CASZ1: variants seen among roughly 807,000 people sequenced by gnomAD.
CASZ1 encodes castor zinc finger 1.
Under a neutral mutation model 135.2 loss-of-function variants are expected in CASZ1, and 28 were observed. The ratio of observed to expected loss-of-function variants is 0.21; its 90% CI spans 0.15 to 0.28. The LOEUF (loss-of-function observed/expected upper bound fraction) is 0.28, where lower values mean the gene tolerates loss of function less well. Among genes scored for constraint, CASZ1 ranks in the 10% least tolerant of loss-of-function variants. The pLI, the probability that CASZ1 is intolerant of heterozygous loss-of-function variation, is 1.00. For missense variants in CASZ1, 2,161 were observed against 2,453.3 expected, an observed-to-expected ratio of 0.88 and a Z score of 2.52; for synonymous variants, 1,068 against 1,073.4, an observed-to-expected ratio of 0.99 and a Z score of 0.10.
rs141483987 is a variant in CASZ1, at chr1:10,758,009, C to T, written c.-77+2692G>A. Among the ~76,000 whole-genome samples, 1,110 of 152,236 alleles carry T rather than the reference C, an allele frequency of 7.3e-3. 15 individuals carry two copies. Among genetic ancestry groups the T allele is most frequent in the African/African-American group, 0.026 (1,064 of 41,538 alleles). On this transcript the variant is annotated intron_variant, in intron 2 of 20. Coordinates refer to ENST00000377022, the MANE Select transcript of CASZ1 (RefSeq NM_001079843.3). Reference sequence around the variant, plus strand: ...CACTGAGGGCATCCTACCTTAGGGCCATTAGGCTAGCTGTTCTTTCTTTCT... The same window carrying T: ...CACTGAGGGCATCCTACCTTAGGGCTATTAGGCTAGCTGTTCTTTCTTTCT...
intron 4 of CASZ1, among the ~76,000 whole-genome samples, chr1:10,675,332 T>A (rs1643533132): frequency 6.6e-6 from 1 of 151,836 alleles, no homozygotes. Flanking sequence ...GGGGCCAGGG[T>A]CGAGCCAGGG....
chr1:10,686,178 C>T lies in CASZ1; in HGVS notation c.16+7696G>A, dbSNP rs150015792. 2.2e-3 allele frequency among the ~76,000 whole-genome samples: 339 copies of T among 152,324 alleles called. 1 individual carries two copies. Among genetic ancestry groups the T allele is most frequent in the Non-Finnish European group, 2.2e-3 (149 of 68,030 alleles). ...TCTCCTCTCCTTACATGCCCTTGGC[C>T]GAACCACTGTACTCTTCCCTCTCAA... On this transcript the variant is annotated intron_variant, in intron 4 of 20. Coordinates refer to ENST00000377022, the MANE Select transcript of CASZ1 (RefSeq NM_001079843.3).
chr1:10,752,886 A>T (rs1640175263), intron 2 of CASZ1, among the ~76,000 whole-genome samples: 1 of 151,842 alleles, frequency 6.6e-6, no homozygotes, highest in African/African-American at 2.4e-5. Context: ...AAATACAAAA[A>T]ATTAGCTGGG....
intron 4 of CASZ1, among the ~76,000 whole-genome samples, chr1:10,688,161 G>A (rs1218711949): frequency 6.6e-6 from 1 of 152,148 alleles, no homozygotes; most frequent in Non-Finnish European, 1.5e-5. Context: ...GGAAAACAAG[G>A]GCCCTGGCCT....
chr1:10,665,488 T>G lies in CASZ1; in HGVS notation c.100A>C (p.Ile34Leu), dbSNP rs769752619. The change falls in exon 5 of 21, where the codon ATC (isoleucine) becomes CTC (leucine). Residue 34 changes from isoleucine (I) to leucine (L), a missense_variant. By Grantham distance (5) the Ile-to-Leu change is conservative. Around this residue, in one of 7 missense-constraint regions of CASZ1, gnomAD observed 590 missense variants for 609.8 expected, o/e 0.97. Coordinates refer to ENST00000377022, the MANE Select transcript of CASZ1 (RefSeq NM_001079843.3). Reference sequence around the variant, plus strand: ...ACCTGGCGGCTCAGCTTGGCGCAGATGGCGTTCAGCTTCAGGCCACCCTTG... The same window carrying G: ...ACCTGGCGGCTCAGCTTGGCGCAGAGGGCGTTCAGCTTCAGGCCACCCTTG... Reference protein sequence around the residue: ...KRKGGLKLNAICAKLSRQVVV... With the variant: ...KRKGGLKLNALCAKLSRQVVV... 6.2e-7 allele frequency: 1 copy of G among 1,607,200 alleles called. No individual in the cohort carries two copies. Among genetic ancestry groups the G allele is most frequent in the East Asian group, 2.2e-5 (1 of 44,866 alleles).
In CASZ1 at chr1:10,646,198, G is replaced by C. The variant is rs371495766; in HGVS notation, c.3626C>G (p.Pro1209Arg). ...TCGCACGTTCACCAGGTTGTTGTTGGGGTTGATGTGGTCCAGGCAGTGGGA... is the reference window on the plus strand; with the variant it reads ...TCGCACGTTCACCAGGTTGTTGTTGCGGTTGATGTGGTCCAGGCAGTGGGA... The part of the protein sequence containing the change: ...AESHCLDHIN[P>R]NNNLVNVRDQ... Residue 1209 changes from proline (P) to arginine (R), a missense_variant, in exon 17 of 21, where the codon CCC (proline) becomes CGC (arginine). This residue lies in a region of CASZ1 where 349 missense variants were observed against 460.8 expected (regional missense o/e 0.76). Transcript: ENST00000377022. This position sits in a 1 kb window ranked among gnomAD's most constrained non-coding sequence, Gnocchi z 6.4. The C allele has an allele frequency of 6.2e-7, 1 of 1,614,072 alleles. No individual in the cohort carries two copies. The highest frequency in any genetic ancestry group is 8.5e-7 in the Non-Finnish European group (1 of 1,180,042).
rs549728093 is a variant in CASZ1, at chr1:10,641,627, A to G, written c.4162+1232T>C. Among the ~76,000 whole-genome samples, 197 of 152,258 alleles carry G rather than the reference A, an allele frequency of 1.3e-3. 1 individual carries two copies. The highest frequency in any genetic ancestry group is 4.5e-3 in the African/African-American group (187 of 41,548). ...CTGGGCAGGTCCCAGACCCCAGCAG[A>G]CCTTCCCGAAAGCCTCCTCTATCTC... On this transcript the variant is annotated intron_variant, in intron 20 of 20. Coordinates refer to ENST00000377022, the MANE Select transcript of CASZ1 (RefSeq NM_001079843.3).
rs1214074994 is a variant in CASZ1 at position 10,707,265 on chromosome 1, T to C, written c.-76-1721A>G. On this transcript the variant is annotated intron_variant, in intron 2 of 20. Transcript: ENST00000377022. The surrounding 1 kb of genome is among the most constrained non-coding windows in gnomAD (Gnocchi z 5.0). ...ATCCTCCCTGGCAACTGTGCATTTA[T>C]TAATTCATGAGGCACTAATTAGTTC... 6.6e-6 allele frequency among the ~76,000 whole-genome samples: 1 copy of C among 152,230 alleles called. No individual in the cohort carries two copies. The highest frequency in any genetic ancestry group is 1.5e-5 in the Non-Finnish European group (1 of 68,036).
intron 1 of CASZ1, among the ~76,000 whole-genome samples, chr1:10,766,493 C>T (rs971144198): frequency 6.6e-6 from 1 of 152,210 alleles, no homozygotes; most frequent in African/African-American, 2.4e-5. Flanking sequence ...AGTAGGTCCC[C>T]TAGAGCCACC....
intron 2 of CASZ1, among the ~76,000 whole-genome samples, chr1:10,758,558 C>T (rs1288308632): frequency 6.6e-6 from 1 of 152,154 alleles, no homozygotes; most frequent in Non-Finnish European, 1.5e-5. Context: ...TCTTAAACTC[C>T]TGACCTCAAG....
chr1:10,722,442 A>G (rs1482226716), intron 2 of CASZ1, among the ~76,000 whole-genome samples: 2 of 151,930 alleles, frequency 1.3e-5, no homozygotes, highest in African/African-American at 2.4e-5. Flanking sequence ...GGGAGCCTAC[A>G]GGGCACGGAC....
chr1:10,704,909 C>G (rs1639140775), intron 3 of CASZ1, among the ~76,000 whole-genome samples: 1 of 152,260 alleles, frequency 6.6e-6, no homozygotes, highest in Admixed American at 6.5e-5. Context: ...TATGCTTGGA[C>G]TTCAGGGGAG....
rs1164141374 is a variant in CASZ1, at chr1:10,699,199, G to A, written c.-23-5287C>T. Among the ~76,000 whole-genome samples the A allele has an allele frequency of 6.6e-6, 1 of 152,200 alleles. No individual in the cohort carries two copies. The highest frequency in any genetic ancestry group is 1.5e-5 in the Non-Finnish European group (1 of 68,036). Reference sequence around the variant, plus strand: ...CATGGCCCAAATCTGGCCTCTCCCTGCACTTCCAGCTCATCCTCCGTTCTC... The same window carrying A: ...CATGGCCCAAATCTGGCCTCTCCCTACACTTCCAGCTCATCCTCCGTTCTC... On this transcript the variant is annotated intron_variant, in intron 3 of 20. Coordinates refer to ENST00000377022, the MANE Select transcript of CASZ1 (RefSeq NM_001079843.3). This position sits in a 1 kb window ranked among gnomAD's most constrained non-coding sequence, Gnocchi z 4.6.
rs956151576 is a variant in CASZ1 at position 10,660,602 on chromosome 1, T to TG, written c.506-67dup. On this transcript the variant is annotated intron_variant, in intron 5 of 20. Transcript: ENST00000377022. ...TGGGAGGGACAGGAGGTCCCCCCAC[T>TG]GGGGGCCCCCACCCATAGAGGGAGG... The TG allele has an allele frequency of 6.2e-6, 9 of 1,441,394 alleles. No homozygotes were observed. In the African/African-American group the frequency reaches 1.3e-4, roughly 20 times the overall value. The allele number at this position is 1,441,394 out of a possible 1,614,324, so 89.3% of individuals were successfully genotyped here.
rs957968030 is a variant in CASZ1 at position 10,707,059 on chromosome 1, C to T, written c.-76-1515G>A. ...CACCAGGTGGGCTCAGCCATCAGAG[C>T]TCGAGTCCTGGCCGGTCAGCCCAGG... is the stretch of plus-strand genomic sequence containing the variant. On this transcript the variant is annotated intron_variant, in intron 2 of 20. Coordinates refer to ENST00000377022, the MANE Select transcript of CASZ1 (RefSeq NM_001079843.3). This position sits in a 1 kb window ranked among gnomAD's most constrained non-coding sequence, Gnocchi z 5.0. Among the ~76,000 whole-genome samples, 1 of 152,096 alleles carries T rather than the reference C, an allele frequency of 6.6e-6. No homozygotes were observed. Among genetic ancestry groups the T allele is most frequent in the Non-Finnish European group, 1.5e-5 (1 of 67,990 alleles).
chr1:10,668,179 G>T (rs1286100585), intron 4 of CASZ1, among the ~76,000 whole-genome samples: 2 of 152,152 alleles, frequency 1.3e-5, no homozygotes, highest in Non-Finnish European at 2.9e-5. Flanking sequence ...ACAGGGGTGC[G>T]TTGGAGCTGA....
intron 6 of CASZ1, among the ~76,000 whole-genome samples, 193 bp downstream of exon 6, chr1:10,659,509 T>A (rs476164): frequency 2.0e-5 from 3 of 151,942 alleles, no homozygotes; most frequent in Non-Finnish European, 4.4e-5. Context: ...TGAATGTGAG[T>A]GCGGCGCGCA....
chr1:10,651,222 G>A (rs1468917068), intron 11 of CASZ1, 146 bp from the exon 12 acceptor site: 12 of 506,392 alleles, frequency 2.4e-5, no homozygotes, highest in Non-Finnish European at 3.5e-5. Flanking sequence ...GTGATCGCTC[G>A]CGACGCTCGC....
At position 10,699,092 on chromosome 1, in the gene CASZ1, A is replaced by G. The variant is rs1452847494; in HGVS notation, c.-23-5180T>C. On this transcript the variant is annotated intron_variant, in intron 3 of 20. Transcript: ENST00000377022. This position sits in a 1 kb window ranked among gnomAD's most constrained non-coding sequence, Gnocchi z 4.6. The stretch of plus-strand genomic sequence containing the variant: ...TATCACACATGGCTCCATGGCCCAG[A>G]GGCTGCTTGCTCCAGGGCGTTCTCA... Among the ~76,000 whole-genome samples the G allele has an allele frequency of 6.6e-6, 1 of 152,140 alleles. No individual in the cohort carries two copies. The highest frequency in any genetic ancestry group is 1.5e-5 in the Non-Finnish European group (1 of 68,012).
Sources: allele counts gnomAD v4.1 joint callset (sites outside exome capture counted in the v4.1 genomes callset), GRCh38; gene constraint gnomAD v4.1.1; regional missense constraint gnomAD v4.1.1; non-coding constraint Gnocchi (gnomAD v3.1); transcripts MANE v1.5; gene names NCBI Gene and HGNC (gene_info 2026-07-23, HGNC 2026-07-21).